The following ISM1 variants were observed in gnomAD, a reference collection of about 807,000 sequenced individuals.
ISM1 encodes isthmin 1.
A neutral mutation model predicts 46.3 loss-of-function variants in ISM1; 25 were observed. That is an observed-to-expected ratio of 0.54 (90% CI 0.39 to 0.75). The LOEUF (loss-of-function observed/expected upper bound fraction) is 0.75, where lower values mean the gene tolerates loss of function less well. Among genes scored for constraint, ISM1 ranks in the 30% least tolerant of loss-of-function variants. ISM1 has a pLI of 0.00. For missense variants in ISM1, 536 were observed against 625.4 expected (o/e 0.86, Z 1.52); for synonymous variants, 255 against 256.7 (o/e 0.99, Z 0.06).
chr20:13,256,234 A>G (rs2039927459), intron 1 of ISM1, among the ~76,000 whole-genome samples: 1 of 151,548 alleles, frequency 6.6e-6, no homozygotes, highest in Non-Finnish European at 1.5e-5. Flanking sequence ...CATTTTTACT[A>G]AAAACACAAA....
chr20:13,289,967 G>A (rs979745194), intron 4 of ISM1, among the ~76,000 whole-genome samples: 2 of 152,150 alleles, frequency 1.3e-5, no homozygotes, highest in Non-Finnish European at 2.9e-5. Context: ...TCTCCAACCA[G>A]AGACATTTGG....
At chr20:13,293,828 G>T (rs1374693585) in intron 5 of ISM1, among the ~76,000 whole-genome samples, 1 of 152,012 alleles carries the variant, frequency 6.6e-6, no homozygotes, top group African/African-American at 2.4e-5. Context: ...ACAAAAATTA[G>T]CTGGGCTTGG....
At position 13,270,617 on chromosome 20, in the gene ISM1, G is replaced by A. The variant is rs376195260; in HGVS notation, c.252G>A (p.Pro84=). 454 of 1,613,884 alleles carry A rather than the reference G, an allele frequency of 2.8e-4. No homozygotes were observed. The highest frequency in any genetic ancestry group is 3.5e-4 in the Non-Finnish European group (415 of 1,179,868). ...HQAAHQPFPR[P]RFRQETGHPS... is the part of the protein sequence containing the mutation. Reference sequence around the variant, plus strand: ...CTGCACACCAACCCTTCCCCAGACCGCGATTCCGACAAGAGACGGGGCACC... The same window carrying A: ...CTGCACACCAACCCTTCCCCAGACCACGATTCCGACAAGAGACGGGGCACC... The change falls in exon 2 of 6, where the codon CCG becomes CCA. Residue 84 remains proline, a synonymous_variant. Coordinates refer to ENST00000262487, the MANE Select transcript of ISM1 (RefSeq NM_080826.2).
At chr20:13,318,136 A>AAATAAATAAAT in the ISM1 span, among the ~76,000 whole-genome samples, 1 of 145,038 alleles carries the variant, frequency 6.9e-6, no homozygotes, top group African/African-American at 2.5e-5. Context: ...GACACTTGAA[A>AAATAAATAAAT]AAATAAATAA....
At chr20:13,267,493 C>T (rs2040056048) in intron 1 of ISM1, among the ~76,000 whole-genome samples, 1 of 152,158 alleles carries the variant, frequency 6.6e-6, no homozygotes, top group Non-Finnish European at 1.5e-5. Flanking sequence ...ACCCAAGTAT[C>T]TTGACTAATC....
intron 5 of ISM1, among the ~76,000 whole-genome samples, chr20:13,298,251 G>A (rs1010279114): frequency 7.2e-5 from 11 of 152,014 alleles, no homozygotes; most frequent in East Asian, 5.8e-4. Context: ...GATTACAGGC[G>A]CATGCCACAA....
intron 1 of ISM1, among the ~76,000 whole-genome samples, chr20:13,245,908 T>C (rs1159311304): frequency 1.3e-5 from 2 of 152,176 alleles, no homozygotes; most frequent in Non-Finnish European, 2.9e-5. Context: ...CACTATTCCT[T>C]GTACCCGCCC....
chr20:13,317,124 T>C, the ISM1 span, among the ~76,000 whole-genome samples: 6 of 151,942 alleles, frequency 3.9e-5, no homozygotes, highest in Non-Finnish European at 8.8e-5. Flanking sequence ...CAAATGTTCA[T>C]TGCTGTATAC....
the ISM1 span, among the ~76,000 whole-genome samples, chr20:13,308,594 C>T: frequency 3.3e-5 from 5 of 152,046 alleles, no homozygotes; most frequent in African/African-American, 1.2e-4. Context: ...GAGGAACAGA[C>T]AAATCAACCA....
rs1176826701 is a variant in ISM1, at chr20:13,272,607, C to A, written c.378+1864C>A. ...TATTTTGGAGGTCACTCTTTGACAACCCATGCACAGAAATCACTACAAGCC... is the reference window on the plus strand; with the variant it reads ...TATTTTGGAGGTCACTCTTTGACAAACCATGCACAGAAATCACTACAAGCC... On this transcript the variant is annotated intron_variant, in intron 2 of 5. Transcript: ENST00000262487. 2.0e-5 allele frequency among the ~76,000 whole-genome samples: 3 copies of A among 152,160 alleles called. No individual in the cohort carries two copies. In the East Asian group the frequency reaches 5.8e-4, roughly 29 times the overall value.
chr20:13,253,018 TG>T (rs1276527127), intron 1 of ISM1, among the ~76,000 whole-genome samples: 20 of 152,314 alleles, frequency 1.3e-4, no homozygotes, highest in Admixed American at 3.3e-4. Context: ...GGAACCAACC[TG>T]TCCTTCCCCA....
At chr20:13,284,860 A>G (rs538420324) in intron 3 of ISM1, among the ~76,000 whole-genome samples, 3 of 152,384 alleles carry the variant, frequency 2.0e-5, no homozygotes, top group African/African-American at 7.2e-5. Flanking sequence ...AGCATTTAAA[A>G]TAAAGATGTG....
chr20:13,225,012 ATTTT>A (rs532771229), intron 1 of ISM1, among the ~76,000 whole-genome samples: 2 of 137,662 alleles, frequency 1.5e-5, no homozygotes, highest in African/African-American at 5.7e-5. Context: ...CGCCCGGCTA[ATTTT>A]TTTTTTTTTT....
intron 1 of ISM1, among the ~76,000 whole-genome samples, chr20:13,259,413 C>A (rs1057081906): frequency 2.0e-5 from 3 of 152,140 alleles, no homozygotes; most frequent in African/African-American, 7.2e-5. Flanking sequence ...AACTTCCCCT[C>A]TGTAATCTAA....
intron 1 of ISM1, among the ~76,000 whole-genome samples, chr20:13,259,841 C>T (rs761795847): frequency 6.6e-6 from 1 of 152,248 alleles, no homozygotes; most frequent in Non-Finnish European, 1.5e-5. Context: ...TGCCCCAATA[C>T]TAAGTGATAA....
At chr20:13,289,790 T>C (rs1472192843) in intron 4 of ISM1, among the ~76,000 whole-genome samples, 1 of 152,168 alleles carries the variant, frequency 6.6e-6, no homozygotes, top group Non-Finnish European at 1.5e-5. Context: ...TGGTGTATAG[T>C]CTTACTGTGT....
At chr20:13,253,080 G>A (rs1023413944) in intron 1 of ISM1, among the ~76,000 whole-genome samples, 1 of 152,220 alleles carries the variant, frequency 6.6e-6, no homozygotes, top group African/African-American at 2.4e-5. Flanking sequence ...GGAGAAATCA[G>A]TTGGAGGCCT....
At chr20:13,287,826 T>C (rs2040310588) in intron 3 of ISM1, among the ~76,000 whole-genome samples, 2 of 152,160 alleles carry the variant, frequency 1.3e-5, no homozygotes, top group Admixed American at 1.3e-4. Context: ...TAACAAAATA[T>C]CCCAAAGTTG....
At chr20:13,294,390 A>G (rs948213758) in intron 5 of ISM1, among the ~76,000 whole-genome samples, 1 of 152,148 alleles carries the variant, frequency 6.6e-6, no homozygotes, top group African/African-American at 2.4e-5. Context: ...AATAGAAATG[A>G]CTTTAAAGGC....
Sources: gnomAD v4.1 joint callset for allele counts (sites outside exome capture counted in the v4.1 genomes callset) on GRCh38, gnomAD v4.1.1 for gene constraint, MANE v1.5 for transcripts, NCBI Gene and HGNC (gene_info 2026-07-23, HGNC 2026-07-21) for gene names.